The following CNTN1 variants were observed in gnomAD, a reference collection of about 807,000 sequenced individuals.
CNTN1 encodes contactin 1.
CNTN1 carries 38 observed loss-of-function variants against 126.4 expected under a neutral mutation model. The observed-to-expected ratio is 0.30, with a 90% confidence interval of 0.23 to 0.39. CNTN1 has a LOEUF of 0.39. Ranked by LOEUF, CNTN1 falls within the 10% of genes least tolerant of loss-of-function variation. The pLI, the probability that CNTN1 is intolerant of heterozygous loss-of-function variation, is 1.00. For synonymous variants in CNTN1, 413 were observed against 422.6 expected, an observed-to-expected ratio of 0.98 and a Z score of 0.28; for missense variants, 1,009 against 1,248.4, an observed-to-expected ratio of 0.81 and a Z score of 2.89.
rs1948730035 is a variant in CNTN1, at chr12:41,014,217, G to A, written c.2114-11G>A. On this transcript the variant is annotated splice_polypyrimidine_tract_variant and intron_variant, in intron 17 of 23. Coordinates refer to ENST00000551295, the MANE Select transcript of CNTN1 (RefSeq NM_001843.4). ...GTTGTTGTTTTGCATATATTTGTTT[G>A]TTTGTTTCAGCACCAAATGTGGCTC... 6.2e-7 allele frequency: 1 copy of A among 1,613,644 alleles called. No individual in the cohort carries two copies. Among genetic ancestry groups the A allele is most frequent in the Non-Finnish European group, 8.5e-7 (1 of 1,179,674 alleles).
At chr12:41,017,501 A>G (rs1486673410) in intron 19 of CNTN1, among the ~76,000 whole-genome samples, 2 of 151,948 alleles carry the variant, frequency 1.3e-5, no homozygotes, top group Non-Finnish European at 2.9e-5. Context: ...TTTTATTACA[A>G]TACAGAACAC....
chr12:40,777,215 A>G (rs1022547686), intron 1 of CNTN1, among the ~76,000 whole-genome samples: 3 of 151,432 alleles, frequency 2.0e-5, no homozygotes, highest in Non-Finnish European at 4.4e-5. Context: ...CCATGCTAGG[A>G]TAGTCAGGGT....
chr12:40,868,684 A>G (rs889393187), intron 1 of CNTN1, among the ~76,000 whole-genome samples: 3 of 152,042 alleles, frequency 2.0e-5, no homozygotes, highest in Non-Finnish European at 4.4e-5. Flanking sequence ...ATAGGTTGCC[A>G]TTGATCCTGT....
At chr12:40,951,550 C>T (rs1449693734) in intron 14 of CNTN1, among the ~76,000 whole-genome samples, 3 of 150,544 alleles carry the variant, frequency 2.0e-5, no homozygotes, top group African/African-American at 7.3e-5. Flanking sequence ...AATGGTTTTG[C>T]ATACAAAAAT....
intron 1 of CNTN1, among the ~76,000 whole-genome samples, chr12:40,711,799 A>G (rs1941920593): frequency 6.6e-6 from 1 of 152,072 alleles, no homozygotes; most frequent in South Asian, 2.1e-4. Flanking sequence ...CATAACCTCA[A>G]ACTCCTGAGC....
chr12:40,755,701 C>A (rs1938583579), intron 1 of CNTN1, among the ~76,000 whole-genome samples: 1 of 151,920 alleles, frequency 6.6e-6, no homozygotes, highest in Admixed American at 6.6e-5. Context: ...CAGAGCGAGA[C>A]CCTGTCTCTA....
intron 1 of CNTN1, among the ~76,000 whole-genome samples, chr12:40,804,873 GTCTT>G (rs56278909): frequency 0.1 from 15,136 of 151,826 alleles, 1,014 homozygotes; most frequent in Non-Finnish European, 0.13. Context: ...TCTGAAAACT[GTCTT>G]TATTTTGCCT....
intron 1 of CNTN1, among the ~76,000 whole-genome samples, chr12:40,805,220 T>C (rs1454152990): frequency 6.6e-6 from 1 of 151,956 alleles, no homozygotes; most frequent in Non-Finnish European, 1.5e-5. Context: ...TTTTGGAACA[T>C]TTTCAATAAC....
At chr12:40,973,922 CTT>C (rs1947599499) in intron 15 of CNTN1, among the ~76,000 whole-genome samples, 1 of 152,028 alleles carries the variant, frequency 6.6e-6, no homozygotes, top group African/African-American at 2.4e-5. Flanking sequence ...AAAAATGAAT[CTT>C]GATTATTGAT....
rs566976862 is a variant in CNTN1, at chr12:40,879,502, C to T, written c.-76-28855C>T. ...ACCAAGAATGTTCTCCTTCTCTCTCCTTTTTTATATGTTATGCAAAATGAG... is the reference window on the plus strand; with the variant it reads ...ACCAAGAATGTTCTCCTTCTCTCTCTTTTTTTATATGTTATGCAAAATGAG... On this transcript the variant is annotated intron_variant, in intron 1 of 23. Coordinates refer to ENST00000551295, the MANE Select transcript of CNTN1 (RefSeq NM_001843.4). Among the ~76,000 whole-genome samples, 12 of 152,118 alleles carry T rather than the reference C, an allele frequency of 7.9e-5. 1 individual carries two copies. The South Asian group carries it at 2.5e-3, about 32-fold the overall frequency.
chr12:40,891,879 G>A (rs368262103), intron 1 of CNTN1, among the ~76,000 whole-genome samples: 18 of 152,058 alleles, frequency 1.2e-4, no homozygotes, highest in African/African-American at 3.4e-4. Flanking sequence ...TGACTATTCT[G>A]CTTCTCTATG....
chr12:41,026,887 G>A (rs1328914500), intron 21 of CNTN1, among the ~76,000 whole-genome samples: 1 of 152,164 alleles, frequency 6.6e-6, no homozygotes, highest in Non-Finnish European at 1.5e-5. Flanking sequence ...GTCAAGGAGA[G>A]AATTGATAGT....
At chr12:40,850,958 G>A (rs1018454365) in intron 1 of CNTN1, among the ~76,000 whole-genome samples, 3 of 152,114 alleles carry the variant, frequency 2.0e-5, no homozygotes, top group Admixed American at 6.6e-5. Flanking sequence ...TGATTGGCAC[G>A]AAACGATTTA....
intron 1 of CNTN1, among the ~76,000 whole-genome samples, chr12:40,813,449 G>T (rs1204661410): frequency 2.6e-5 from 4 of 151,988 alleles, no homozygotes; most frequent in Non-Finnish European, 5.9e-5. Flanking sequence ...GCAGTGTTTA[G>T]TTTTCTGTTC....
intron 1 of CNTN1, among the ~76,000 whole-genome samples, chr12:40,703,188 C>CA (rs1321268245): frequency 6.6e-6 from 1 of 151,702 alleles, no homozygotes; most frequent in East Asian, 1.9e-4. Flanking sequence ...TTTGTATTTC[C>CA]AAATAAAATT....
At chr12:40,846,663 T>C (rs59969287) in intron 1 of CNTN1, among the ~76,000 whole-genome samples, 23,307 of 151,164 alleles carry the variant, frequency 0.15, 1,790 homozygotes, top group Middle Eastern at 0.21. Context: ...GGCATCCTCA[T>C]TACAGTCTTT....
chr12:41,063,485 A>G (rs1336191560), intron 23 of CNTN1, among the ~76,000 whole-genome samples: 1 of 152,208 alleles, frequency 6.6e-6, no homozygotes, highest in Non-Finnish European at 1.5e-5. Context: ...CTCAACATGC[A>G]TTTATTTGCA....
chr12:40,880,517 G>T (rs1474345955), intron 1 of CNTN1, among the ~76,000 whole-genome samples: 1 of 151,946 alleles, frequency 6.6e-6, no homozygotes, highest in Non-Finnish European at 1.5e-5. Context: ...AAGTGAGAAT[G>T]CTAGAAAGGA....
intron 20 of CNTN1, 138 bp from the exon 21 acceptor site, chr12:41,025,012 A>G: frequency 2.3e-6 from 2 of 862,100 alleles, no homozygotes; most frequent in Non-Finnish European, 3.9e-6. Flanking sequence ...GGCTGATAAA[A>G]GGGTAGATAT....
Sources: gnomAD v4.1 joint callset for allele counts (sites outside exome capture counted in the v4.1 genomes callset) on GRCh38, gnomAD v4.1.1 for gene constraint, MANE v1.5 for transcripts, NCBI Gene and HGNC (gene_info 2026-07-23, HGNC 2026-07-21) for gene names.